Variants in DCLRE1C observed in about 807,000 individuals in gnomAD.
DCLRE1C encodes the protein DNA cross-link repair 1C.
In DCLRE1C, 47 loss-of-function variants were observed where a neutral mutation model predicts 61.4. The ratio of observed to expected loss-of-function variants is 0.77; its 90% CI spans 0.61 to 0.98. The LOEUF is 0.98. Ranked by LOEUF, DCLRE1C falls within the 50% of genes least tolerant of loss-of-function variation. The pLI, the probability that DCLRE1C is intolerant of heterozygous loss-of-function variation, is 0.00. For missense variants in DCLRE1C, 858 were observed against 816.0 expected, an observed-to-expected ratio of 1.05 and a Z score of -0.63; for synonymous variants, 337 against 287.6, an observed-to-expected ratio of 1.17 and a Z score of -1.74.
rs1834740803 is a variant in DCLRE1C at position 14,908,736 on chromosome 10, T to C, written c.1751A>G (p.Glu584Gly). ...TTCCATGAGAGAGGCAGGAATATTC[T>C]CTTTGATTGTTGGTCTGTAGTCAGC... ...DKADYRPTIK[E>G]NIPASLMEQN... Residue 584 changes from glutamate to glycine, a missense_variant, in exon 14 of 14, where the codon GAG (glutamate) becomes GGG (glycine). Transcript: ENST00000378278. The C allele has an allele frequency of 6.2e-7, 1 of 1,614,246 alleles. No homozygotes were observed. The highest frequency in any genetic ancestry group is 8.5e-7 in the Non-Finnish European group (1 of 1,180,038).
intron 12 of DCLRE1C, among the ~76,000 whole-genome samples, chr10:14,921,941 C>G (rs1837183771): frequency 6.6e-6 from 1 of 152,254 alleles, no homozygotes; most frequent in South Asian, 2.1e-4. Flanking sequence ...TTTCCATCGA[C>G]ATCTGCAAGC....
chr10:14,935,392 G>T, intron 6 of DCLRE1C, 71 bp downstream of exon 6: 1 of 1,529,160 alleles, frequency 6.5e-7, no homozygotes, highest in Non-Finnish European at 9.0e-7. Context: ...CTTGAACTCT[G>T]GGCGACACAG....
chr10:14,941,017 G>A (rs572217272), intron 3 of DCLRE1C, among the ~76,000 whole-genome samples: 1 of 152,294 alleles, frequency 6.6e-6, no homozygotes, highest in Admixed American at 6.5e-5. Context: ...TGAGCAGCTG[G>A]GACTACAGGC....
chr10:14,931,706 TAGA>T (rs1839026000), intron 9 of DCLRE1C, among the ~76,000 whole-genome samples: 1 of 151,986 alleles, frequency 6.6e-6, no homozygotes, highest in South Asian at 2.1e-4. Flanking sequence ...TTATCTCAAG[TAGA>T]AGAAAAAGTT....
chr10:14,934,577 C>T (rs550645051), intron 7 of DCLRE1C, 57 bp from the exon 8 acceptor site: 8 of 1,614,016 alleles, frequency 5.0e-6, no homozygotes, highest in Middle Eastern at 1.7e-4. Context: ...TAGCCTTTTC[C>T]TTCCCAACAG....
At chr10:14,924,131 A>G (rs2130799382) in intron 11 of DCLRE1C, among the ~76,000 whole-genome samples, 1 of 152,318 alleles carries the variant, frequency 6.6e-6, no homozygotes, top group East Asian at 1.9e-4. Context: ...GTTTCCACAC[A>G]AGGTACTGAG....
chr10:14,927,715 T>C (rs1838258594), intron 10 of DCLRE1C, among the ~76,000 whole-genome samples: 1 of 152,110 alleles, frequency 6.6e-6, no homozygotes, highest in Non-Finnish European at 1.5e-5. Flanking sequence ...ACTCCTCTGC[T>C]CCACCAAGGG....
chr10:14,916,829 T>C (rs1399871580), intron 13 of DCLRE1C, among the ~76,000 whole-genome samples: 1 of 152,216 alleles, frequency 6.6e-6, no homozygotes, highest in African/African-American at 2.4e-5. Context: ...AGATGCCAGT[T>C]CTTGCCAAAT....
At chr10:14,923,174 T>C in intron 11 of DCLRE1C, 105 bp from the exon 12 acceptor site, 1 of 879,830 alleles carries the variant, frequency 1.1e-6, no homozygotes, top group Non-Finnish European at 1.8e-6. Flanking sequence ...CTCTTATGGC[T>C]GTGGTTCTCA....
rs748215372 is a variant in DCLRE1C at position 14,904,772 on chromosome 10, C to T, written c.*3636G>A. ...TTAACTATTTTAAGTCAACATTTAG[C>T]TTATCCATCATATTGGTTTCCTGAA... is the stretch of plus-strand genomic sequence containing the variant. On this transcript the variant is annotated 3_prime_UTR_variant, in exon 14 of 14. Transcript: ENST00000378278. Among the ~76,000 whole-genome samples, 1 of 152,116 alleles carries T rather than the reference C, an allele frequency of 6.6e-6. No individual in the cohort carries two copies. The highest frequency in any genetic ancestry group is 2.4e-5 in the African/African-American group (1 of 41,410).
chr10:14,912,307 C>T (rs35654459), intron 13 of DCLRE1C, among the ~76,000 whole-genome samples: 13,896 of 152,116 alleles, frequency 0.091, 831 homozygotes, highest in Non-Finnish European at 0.13. Context: ...CCATCCGCCT[C>T]GGCCTCCCAA....
At chr10:14,939,446 A>G (rs1193898430) in intron 4 of DCLRE1C, among the ~76,000 whole-genome samples, 33 of 147,010 alleles carry the variant, frequency 2.2e-4, no homozygotes, top group Admixed American at 8.8e-4. Context: ...TCTGTCTCAA[A>G]AAAAAAAAAG....
At chr10:14,902,445 C>T, downstream of DCLRE1C, 1 of 1,610,618 alleles carries the variant, frequency 6.2e-7, no homozygotes, top group East Asian at 2.2e-5. Flanking sequence ...GACCACAGCC[C>T]AGCCAAAAAG....
intron 4 of DCLRE1C, 130 bp from the exon 5 acceptor site, chr10:14,936,723 C>T: frequency 5.9e-6 from 4 of 672,560 alleles, no homozygotes; most frequent in Non-Finnish European, 1.1e-5. Flanking sequence ...AATTTCCTCA[C>T]ACTCCAAATC....
rs1274926081 is a variant in DCLRE1C, at chr10:14,953,951, A to G, written c.60T>C (p.Asp20=). ...EYPTISIDRF[D]RENLRARAYF... is the part of the protein sequence containing the mutation. ...AGGCGCGGGCCCTCAGGTTCTCCCT[A>G]TCGAAGCGGTCTATGGAGATAGTTG... Residue 20 remains aspartate, a synonymous_variant, in exon 1 of 14, where the codon GAT becomes GAC. Transcript: ENST00000378278. 1.2e-6 allele frequency: 2 copies of G among 1,613,934 alleles called. No individual in the cohort carries two copies. The highest frequency in any genetic ancestry group is 1.7e-6 in the Non-Finnish European group (2 of 1,179,946).
intron 9 of DCLRE1C, among the ~76,000 whole-genome samples, chr10:14,931,164 A>C (rs1589039069): frequency 6.6e-6 from 1 of 152,370 alleles, no homozygotes; most frequent in East Asian, 1.9e-4. Context: ...ATCACTAATT[A>C]GCCTTAATAA....
intron 6 of DCLRE1C, among the ~76,000 whole-genome samples, 188 bp from the exon 7 acceptor site, chr10:14,934,963 TG>T (rs71505048): frequency 6.6e-6 from 1 of 151,884 alleles, no homozygotes; most frequent in Non-Finnish European, 1.5e-5. Context: ...TCTGGGATCA[TG>T]GGTTTGTGCC....
intron 13 of DCLRE1C, among the ~76,000 whole-genome samples, 184 bp from the exon 14 acceptor site, chr10:14,909,514 T>C (rs775898778): frequency 1.1e-4 from 16 of 151,834 alleles, no homozygotes; most frequent in Non-Finnish European, 2.2e-4. Flanking sequence ...TTATAATAAA[T>C]GCCAGAGTAT....
chr10:14,926,602 C>T (rs1977818), intron 11 of DCLRE1C, among the ~76,000 whole-genome samples: 24,079 of 147,916 alleles, frequency 0.16, 2,002 homozygotes, highest in Middle Eastern at 0.21. Context: ...TGCAGTGAGC[C>T]GAGAACACAC....
Sources: gnomAD v4.1 joint callset for allele counts (sites outside exome capture counted in the v4.1 genomes callset) on GRCh38, gnomAD v4.1.1 for gene constraint, MANE v1.5 for transcripts, NCBI Gene and HGNC (gene_info 2026-07-23, HGNC 2026-07-21) for gene names.